Variants in CDH18 observed in about 807,000 individuals in gnomAD.
The protein encoded by CDH18 is cadherin 18, also known as cadherin-18.
A neutral mutation model predicts 67.9 loss-of-function variants in CDH18; 31 were observed. The ratio of observed to expected loss-of-function variants is 0.46; its 90% confidence interval spans 0.34 to 0.62. CDH18 has a LOEUF of 0.62. CDH18 is among the 20% of genes least tolerant of loss of function. CDH18 has a pLI of 0.01. For synonymous variants in CDH18, 362 were observed against 347.2 expected (o/e 1.04, Z -0.48); for missense variants, 890 against 975.5 (o/e 0.91, Z 1.17).
At chr5:20,327,196 G>T (rs1376530681) in intron 1 of CDH18, among the ~76,000 whole-genome samples, 2 of 152,170 alleles carry the variant, frequency 1.3e-5, no homozygotes, top group African/African-American at 2.4e-5. Context: ...CAAAGGGAAA[G>T]TTCAGCTTGG....
intron 6 of CDH18, among the ~76,000 whole-genome samples, chr5:19,610,133 C>G (rs998681531): frequency 1.3e-5 from 2 of 152,014 alleles, no homozygotes; most frequent in East Asian, 3.9e-4. Flanking sequence ...GTAGTGCCTC[C>G]TTTTCAAAAC....
chr5:19,726,724 T>G (rs2150606286), intron 4 of CDH18, among the ~76,000 whole-genome samples: 1 of 152,356 alleles, frequency 6.6e-6, no homozygotes, highest in Non-Finnish European at 1.5e-5. Flanking sequence ...GTATTTTCAG[T>G]AATTCTTTAT....
chr5:20,061,433 C>T (rs1742476253), intron 2 of CDH18, among the ~76,000 whole-genome samples: 1 of 152,058 alleles, frequency 6.6e-6, no homozygotes, highest in Non-Finnish European at 1.5e-5. Context: ...GTAACAATTC[C>T]ACCTTCCATA....
intron 1 of CDH18, among the ~76,000 whole-genome samples, chr5:20,414,683 T>C (rs1002782724): frequency 1.3e-5 from 2 of 152,188 alleles, no homozygotes; most frequent in Middle Eastern, 3.2e-3. Flanking sequence ...TGAATTTTTT[T>C]AAGACATAGA....
Position 19,666,237 on chromosome 5 carries a change from T to A in CDH18, c.644-53636A>T, listed in dbSNP as rs1829595. 9.3e-4 allele frequency among the ~76,000 whole-genome samples: 119 copies of A among 128,154 alleles called. 1 individual carries two copies. Among genetic ancestry groups the A allele is most frequent in the Middle Eastern group, 3.9e-3 (1 of 256 alleles). 84.1% of individuals were successfully genotyped at this position (128,154 alleles called of 152,430 possible). On this transcript the variant is annotated intron_variant, in intron 5 of 12. Coordinates refer to ENST00000382275, the MANE Select transcript of CDH18 (RefSeq NM_004934.5). Reference sequence around the variant, plus strand: ...GTCATGTCCCCACGCCTGTATGATTTTTATTATTATTATTATTATTATTAT... The same window carrying A: ...GTCATGTCCCCACGCCTGTATGATTATTATTATTATTATTATTATTATTAT...
chr5:19,522,558 T>C (rs1439239695), intron 9 of CDH18, among the ~76,000 whole-genome samples: 1 of 152,112 alleles, frequency 6.6e-6, no homozygotes, highest in Non-Finnish European at 1.5e-5. Context: ...CTAATATTTA[T>C]AAACACTAAG....
intron 2 of CDH18, among the ~76,000 whole-genome samples, chr5:20,181,851 A>T (rs963556104): frequency 6.6e-6 from 1 of 152,124 alleles, no homozygotes; most frequent in African/African-American, 2.4e-5. Context: ...CAGTGGTTTG[A>T]TGTTACATGT....
chr5:19,766,642 T>C (rs1393125497), intron 3 of CDH18, among the ~76,000 whole-genome samples: 3 of 152,206 alleles, frequency 2.0e-5, no homozygotes, highest in Non-Finnish European at 4.4e-5. Flanking sequence ...CTTGATCTGA[T>C]GCCTGTCTAG....
intron 2 of CDH18, among the ~76,000 whole-genome samples, chr5:19,846,169 G>A (rs935422808): frequency 1.3e-5 from 2 of 151,326 alleles, no homozygotes; most frequent in Admixed American, 6.6e-5. Context: ...TTATTCATGT[G>A]TCTTCCACAG....
At chr5:20,140,427 T>C (rs1048452491) in intron 2 of CDH18, among the ~76,000 whole-genome samples, 9 of 152,022 alleles carry the variant, frequency 5.9e-5, no homozygotes, top group African/African-American at 2.2e-4. Flanking sequence ...GTAAGAAACC[T>C]GCACATTGTG....
intron 2 of CDH18, among the ~76,000 whole-genome samples, chr5:20,127,547 C>T (rs1426563623): frequency 6.6e-6 from 1 of 151,986 alleles, no homozygotes; most frequent in African/African-American, 2.4e-5. Context: ...TATGGGACAA[C>T]ATGGAAGAAA....
At chr5:19,830,752 A>AC (rs1780926701) in intron 3 of CDH18, among the ~76,000 whole-genome samples, 1 of 152,106 alleles carries the variant, frequency 6.6e-6, no homozygotes, top group South Asian at 2.1e-4. Flanking sequence ...TTGTCACTGC[A>AC]CCATTAACAA....
intron 2 of CDH18, among the ~76,000 whole-genome samples, chr5:20,105,244 C>T (rs917943609): frequency 6.6e-6 from 1 of 152,072 alleles, no homozygotes; most frequent in African/African-American, 2.4e-5. Context: ...GCCTAGGCCT[C>T]CCAAAGTGCT....
At chr5:19,676,861 T>C (rs1283230703) in intron 5 of CDH18, among the ~76,000 whole-genome samples, 6 of 152,084 alleles carry the variant, frequency 3.9e-5, no homozygotes, top group African/African-American at 1.4e-4. Context: ...ACCACACTTG[T>C]TATTTAAGCT....
At position 20,262,059 on chromosome 5, in the gene CDH18, C is replaced by G. The variant is rs189713267; in HGVS notation, c.-579-6554G>C. ...CATTGGAATGTCATCAGCAATACAA[C>G]TCCACTATATAATATAATTAGGATG... On this transcript the variant is annotated intron_variant, in intron 1 of 14. Transcript: ENST00000507958. Among the ~76,000 whole-genome samples the G allele has an allele frequency of 1.4e-4, 21 of 152,206 alleles. 1 individual carries two copies. Among genetic ancestry groups the G allele is most frequent in the Admixed American group, 1.4e-3 (21 of 15,282 alleles).
At chr5:19,845,461 T>C (rs1196431169) in intron 2 of CDH18, among the ~76,000 whole-genome samples, 1 of 152,182 alleles carries the variant, frequency 6.6e-6, no homozygotes, top group African/African-American at 2.4e-5. Flanking sequence ...GGTTCATTTC[T>C]ACTAGAGAAG....
At chr5:19,669,327 T>G (rs2150343912) in intron 5 of CDH18, among the ~76,000 whole-genome samples, 1 of 150,318 alleles carries the variant, frequency 6.7e-6, no homozygotes, top group East Asian at 1.9e-4. Context: ...AGTTTCATTC[T>G]TCTTGCCCAG....
At chr5:20,305,636 C>A in intron 1 of CDH18, 2 of 460,728 alleles carry the variant, frequency 4.3e-6, no homozygotes, top group South Asian at 2.1e-5. Flanking sequence ...ACTCAAACGC[C>A]ATGTCCGGGG....
At chr5:19,481,229 T>C (rs150020496) in intron 12 of CDH18, among the ~76,000 whole-genome samples, 1 of 152,164 alleles carries the variant, frequency 6.6e-6, no homozygotes, top group Admixed American at 6.6e-5. Flanking sequence ...TCTACATATA[T>C]TCTCTTGCTG....
Sources: gnomAD v4.1 joint callset for allele counts (sites outside exome capture counted in the v4.1 genomes callset) on GRCh38, gnomAD v4.1.1 for gene constraint, MANE v1.5 for transcripts, NCBI Gene and HGNC (gene_info 2026-07-23, HGNC 2026-07-21) for gene names.